GRIN2B: variants seen among roughly 807,000 people sequenced by gnomAD.
GRIN2B encodes the protein glutamate ionotropic receptor NMDA type subunit 2B.
A neutral mutation model predicts 114.5 loss-of-function variants in GRIN2B; 5 were observed. That is an observed-to-expected ratio of 0.04 (90% CI 0.02 to 0.09). The LOEUF (loss-of-function observed/expected upper bound fraction) is 0.09. GRIN2B is among the 10% of genes least tolerant of loss of function. The pLI, the probability that GRIN2B is intolerant of heterozygous loss-of-function variation, is 1.00. For missense variants in GRIN2B, 1,108 were observed against 1,943.5 expected, an observed-to-expected ratio of 0.57 and a Z score of 8.08; for synonymous variants, 787 against 745.1, an observed-to-expected ratio of 1.06 and a Z score of -0.92.
intron 4 of GRIN2B, chr12:13,683,606 A>C (rs1950150608): frequency 6.3e-6 from 1 of 158,284 alleles, no homozygotes; most frequent in Admixed American, 6.5e-5. Flanking sequence ...GATTCAGCTG[A>C]TCTGGCTGGC....
At chr12:13,701,718 G>A (rs1950314968) in intron 4 of GRIN2B, among the ~76,000 whole-genome samples, 1 of 149,196 alleles carries the variant, frequency 6.7e-6, no homozygotes, top group South Asian at 2.1e-4. Context: ...AAGAAGCCCA[G>A]GACTATGCAT....
intron 4 of GRIN2B, among the ~76,000 whole-genome samples, chr12:13,712,880 T>A (rs1344144884): frequency 6.6e-6 from 1 of 151,902 alleles, no homozygotes; most frequent in Non-Finnish European, 1.5e-5. Flanking sequence ...CTTCTCTTGG[T>A]GTTAATTTAT....
At chr12:13,817,077 T>C (rs1864837251) in intron 3 of GRIN2B, among the ~76,000 whole-genome samples, 1 of 151,980 alleles carries the variant, frequency 6.6e-6, no homozygotes, top group Admixed American at 6.6e-5. Context: ...CATTGAGGGT[T>C]TGGTGCAGGA....
chr12:13,918,602 A>G (rs1304560231), intron 2 of GRIN2B, among the ~76,000 whole-genome samples: 2 of 152,226 alleles, frequency 1.3e-5, no homozygotes, highest in Non-Finnish European at 2.9e-5. Context: ...CACAAATAGC[A>G]GCAACCAACC....
chr12:13,592,749 C>A (rs1480882999), intron 10 of GRIN2B, among the ~76,000 whole-genome samples: 1 of 152,132 alleles, frequency 6.6e-6, no homozygotes. Context: ...AGCCTGACAC[C>A]CCCTATTTTC....
At chr12:13,623,475 A>C (rs796320050) in intron 5 of GRIN2B, among the ~76,000 whole-genome samples, 12 of 152,314 alleles carry the variant, frequency 7.9e-5, no homozygotes, top group African/African-American at 2.9e-4. Flanking sequence ...TCACTACTAA[A>C]TGCTTGCCAA....
rs147625910 is a variant in GRIN2B at position 13,909,847 on chromosome 12, C to T, written c.-18-43621G>A. ...CAAGTATCAGGAAAGAGAGGAGGGACCTGAATTAGAAAATATTAAGCATCA... is the reference window on the plus strand; with the variant it reads ...CAAGTATCAGGAAAGAGAGGAGGGATCTGAATTAGAAAATATTAAGCATCA... On this transcript the variant is annotated intron_variant, in intron 2 of 13. Transcript: ENST00000609686. Among the ~76,000 whole-genome samples, 186 of 152,130 alleles carry T rather than the reference C, an allele frequency of 1.2e-3. 2 individuals are homozygous for T. Among genetic ancestry groups the T allele is most frequent in the African/African-American group, 4.0e-3 (168 of 41,482 alleles).
chr12:13,742,120 C>T (rs1273200253), intron 4 of GRIN2B, among the ~76,000 whole-genome samples: 3 of 152,152 alleles, frequency 2.0e-5, no homozygotes, highest in African/African-American at 7.2e-5. Flanking sequence ...TTATTGATGA[C>T]TTAACAATGA....
chr12:13,582,960 T>G (rs1565462442), intron 10 of GRIN2B, among the ~76,000 whole-genome samples: 1 of 152,212 alleles, frequency 6.6e-6, no homozygotes, highest in Non-Finnish European at 1.5e-5. Flanking sequence ...CCTGAAATAT[T>G]TCATAAAATC....
At chr12:13,956,811 G>T (rs1375838270) in intron 2 of GRIN2B, among the ~76,000 whole-genome samples, 1 of 152,166 alleles carries the variant, frequency 6.6e-6, no homozygotes. Flanking sequence ...TTAACTCTGA[G>T]GTTAACTTCT....
At chr12:13,903,737 G>A (rs1866495247) in intron 2 of GRIN2B, among the ~76,000 whole-genome samples, 1 of 152,074 alleles carries the variant, frequency 6.6e-6, no homozygotes, top group Non-Finnish European at 1.5e-5. Flanking sequence ...TGTCAAGTTT[G>A]TTAATCATAT....
At chr12:13,607,397 TATA>T (rs2136467623) in intron 10 of GRIN2B, among the ~76,000 whole-genome samples, 1 of 77,766 alleles carries the variant, frequency 1.3e-5, no homozygotes, top group East Asian at 3.1e-4. Flanking sequence ...ATATATTATA[TATA>T]ATATATAAAA....
intron 2 of GRIN2B, among the ~76,000 whole-genome samples, chr12:13,886,623 C>T (rs1263574159): frequency 6.6e-6 from 1 of 152,166 alleles, no homozygotes; most frequent in Admixed American, 6.6e-5. Flanking sequence ...CGAGTTCCCG[C>T]AGCCAGCAGG....
At chr12:13,795,068 G>A (rs1384490218) in intron 3 of GRIN2B, among the ~76,000 whole-genome samples, 1 of 152,182 alleles carries the variant, frequency 6.6e-6, no homozygotes, top group Non-Finnish European at 1.5e-5. Flanking sequence ...GCCCAGCTCT[G>A]CTCACTCATG....
intron 3 of GRIN2B, among the ~76,000 whole-genome samples, chr12:13,816,569 G>A (rs181962657): frequency 6.6e-6 from 1 of 152,216 alleles, no homozygotes; most frequent in East Asian, 1.9e-4. Context: ...GAAGGAGTGA[G>A]CAGCAGACCT....
chr12:13,693,934 C>G (rs1950235728), intron 4 of GRIN2B, among the ~76,000 whole-genome samples: 1 of 152,114 alleles, frequency 6.6e-6, no homozygotes, highest in African/African-American at 2.4e-5. Context: ...CTACTACCAT[C>G]TAGAGGAGTC....
chr12:13,811,422 A>G (rs969613120), intron 3 of GRIN2B, among the ~76,000 whole-genome samples: 10 of 152,194 alleles, frequency 6.6e-5, no homozygotes, highest in African/African-American at 2.4e-4. Flanking sequence ...CAACTCTACA[A>G]AAGAAAAAAT....
intron 2 of GRIN2B, among the ~76,000 whole-genome samples, chr12:13,892,639 G>A (rs1056442939): frequency 6.6e-6 from 1 of 152,186 alleles, no homozygotes; most frequent in African/African-American, 2.4e-5. Context: ...TGGAGGTGAG[G>A]CAGAGACTGC....
intron 10 of GRIN2B, among the ~76,000 whole-genome samples, chr12:13,586,374 G>A (rs909615077): frequency 6.6e-6 from 1 of 152,084 alleles, no homozygotes; most frequent in Non-Finnish European, 1.5e-5. Flanking sequence ...AGTGGCAAGG[G>A]GACATAGTTA....
Sources: allele counts gnomAD v4.1 joint callset (sites outside exome capture counted in the v4.1 genomes callset), GRCh38; gene constraint gnomAD v4.1.1; transcripts MANE v1.5; gene names NCBI Gene and HGNC (gene_info 2026-07-23, HGNC 2026-07-21).